The following CPE variants were observed in gnomAD, a reference collection of about 807,000 sequenced individuals.
CPE encodes the protein carbocypeptidase E.
In CPE, 17 loss-of-function variants were observed where a neutral mutation model predicts 53.5. That is an observed-to-expected ratio of 0.32 (90% CI 0.22 to 0.48). CPE has a LOEUF of 0.48. Ranked by LOEUF, CPE falls within the 20% of genes least tolerant of loss-of-function variation. The pLI is 0.99. For missense variants in CPE, 524 were observed against 614.7 expected (o/e 0.85, Z 1.56); for synonymous variants, 226 against 228.8 (o/e 0.99, Z 0.11).
At chr4:165,404,278 G>T in intron 1 of CPE, 4 of 769,382 alleles carry the variant, frequency 5.2e-6, no homozygotes, top group Non-Finnish European at 9.7e-6. Context: ...GTGTGGCCAA[G>T]ATCCCCTCTT....
At chr4:165,419,196 T>C (rs1215129317) in intron 1 of CPE, among the ~76,000 whole-genome samples, 2 of 152,182 alleles carry the variant, frequency 1.3e-5, no homozygotes, top group Admixed American at 1.3e-4. Context: ...GAAGAAATAC[T>C]AACTGAATAT....
intron 6 of CPE, among the ~76,000 whole-genome samples, chr4:165,490,458 C>A (rs28529471): frequency 7.3e-5 from 11 of 151,644 alleles, no homozygotes; most frequent in South Asian, 4.2e-4. Context: ...ACGGTGAAAC[C>A]CTGTCTCTAC....
chr4:165,392,600 AT>A (rs1730702150), intron 1 of CPE, among the ~76,000 whole-genome samples: 1 of 146,482 alleles, frequency 6.8e-6, no homozygotes, highest in Non-Finnish European at 1.5e-5. Flanking sequence ...ACATTATTCC[AT>A]TACTATAGTA....
intron 3 of CPE, among the ~76,000 whole-genome samples, chr4:165,480,944 T>A (rs1212922374): frequency 6.7e-6 from 1 of 150,176 alleles, no homozygotes; most frequent in Non-Finnish European, 1.5e-5. Flanking sequence ...AAATTATGGG[T>A]AATTTTAATT....
intron 1 of CPE, among the ~76,000 whole-genome samples, chr4:165,445,189 C>T (rs1186753977): frequency 1.3e-5 from 2 of 152,178 alleles, no homozygotes; most frequent in Admixed American, 1.3e-4. Context: ...CTCATGACCT[C>T]ATGTGATCTG....
chr4:165,457,683 A>G (rs1318169614), intron 1 of CPE, among the ~76,000 whole-genome samples: 8 of 152,166 alleles, frequency 5.3e-5, no homozygotes. Flanking sequence ...ATGAAGTGAG[A>G]TTTCACTTTT....
In CPE at chr4:165,379,540, G is replaced by A. The variant is rs1730468719; in HGVS notation, c.307+12G>A. 1 of 1,440,380 alleles carries A rather than the reference G, an allele frequency of 6.9e-7. No individual in the cohort carries two copies. Among genetic ancestry groups the A allele is most frequent in the Non-Finnish European group, 9.3e-7 (1 of 1,074,374 alleles). The allele number at this position is 1,440,380 out of a possible 1,614,324, so 89.2% of individuals were successfully genotyped here. On this transcript the variant is annotated intron_variant, in intron 1 of 8. Coordinates refer to ENST00000402744, the MANE Select transcript of CPE (RefSeq NM_001873.4). The surrounding 1 kb of genome is among the most constrained non-coding windows in gnomAD (Gnocchi z 6.0). Reference sequence around the variant, plus strand: ...CGTCCATGAGCCTGGTAAGGGCGCTGCCCCCTGACAGCCCTGGGGGCATCC... The same window carrying A: ...CGTCCATGAGCCTGGTAAGGGCGCTACCCCCTGACAGCCCTGGGGGCATCC...
intron 1 of CPE, chr4:165,405,036 A>G: frequency 1.4e-6 from 1 of 724,662 alleles, no homozygotes; most frequent in Non-Finnish European, 2.5e-6. Context: ...ATCCATCACC[A>G]TGTCTGTCTT....
At chr4:165,472,616 C>T (rs1328230660) in intron 3 of CPE, among the ~76,000 whole-genome samples, 1 of 152,108 alleles carries the variant, frequency 6.6e-6, no homozygotes, top group East Asian at 1.9e-4. Flanking sequence ...AAAAACTGAA[C>T]AATAGTTCTT....
chr4:165,460,784 C>T (rs1000071038), intron 1 of CPE, among the ~76,000 whole-genome samples: 3 of 152,248 alleles, frequency 2.0e-5, no homozygotes, highest in South Asian at 2.1e-4. Context: ...TTATTCTTAT[C>T]GTATTCTTAC....
chr4:165,406,991 A>G (rs1248877988), intron 1 of CPE, among the ~76,000 whole-genome samples: 1 of 152,200 alleles, frequency 6.6e-6, no homozygotes, highest in Non-Finnish European at 1.5e-5. Context: ...TCATCAGTTG[A>G]TAGACATCTG....
In CPE at chr4:165,464,512, A is replaced by C; in HGVS notation, c.430A>C (p.Asn144His). 1 of 1,613,994 alleles carries C rather than the reference A, an allele frequency of 6.2e-7. No homozygotes were observed. Among genetic ancestry groups the C allele is most frequent in the African/African-American group, 1.3e-5 (1 of 75,026 alleles). ...CCAGAAGGGGAACGAGACAATTGTC[A>C]ACCTGATCCACAGTACCCGCATTCA... ...EYQKGNETIV[N>H]LIHSTRIHIM... The change falls in exon 2 of 9, where the codon AAC becomes CAC. Residue 144 changes from asparagine (N) to histidine (H), a missense_variant. Physicochemically the swap from Asn to His is moderately conservative, Grantham distance 68 (BLOSUM62 1). Coordinates refer to ENST00000402744, the MANE Select transcript of CPE (RefSeq NM_001873.4).
chr4:165,443,887 G>A (rs1322367278), intron 1 of CPE, among the ~76,000 whole-genome samples: 1 of 152,156 alleles, frequency 6.6e-6, no homozygotes, highest in Non-Finnish European at 1.5e-5. Context: ...AATGGGATTA[G>A]TGCCCTTACA....
chr4:165,388,332 T>A (rs902750696), intron 1 of CPE, among the ~76,000 whole-genome samples: 2 of 152,196 alleles, frequency 1.3e-5, no homozygotes, highest in African/African-American at 4.8e-5. Flanking sequence ...AAACAACCTT[T>A]CTTCATAGCT....
intron 1 of CPE, among the ~76,000 whole-genome samples, chr4:165,443,572 A>T (rs1246416632): frequency 6.6e-6 from 1 of 152,106 alleles, no homozygotes; most frequent in Non-Finnish European, 1.5e-5. Flanking sequence ...GTATCCTCAC[A>T]TGGCCCTTTC....
At chr4:165,416,892 A>G (rs1731134200) in intron 1 of CPE, among the ~76,000 whole-genome samples, 1 of 151,736 alleles carries the variant, frequency 6.6e-6, no homozygotes, top group Non-Finnish European at 1.5e-5. Flanking sequence ...CTCAGAAAAT[A>G]TTTTCGAATG....
chr4:165,445,288 G>GTT (rs11296419), intron 1 of CPE, among the ~76,000 whole-genome samples: 23 of 147,356 alleles, frequency 1.6e-4, no homozygotes, highest in African/African-American at 2.5e-4. Context: ...CCCTTTTTTT[G>GTT]TTTTTTTTTT....
chr4:165,436,768 A>T (rs1414519506), intron 1 of CPE, among the ~76,000 whole-genome samples: 6 of 152,172 alleles, frequency 3.9e-5, no homozygotes. Context: ...CCTCCTGTGT[A>T]GCTGAGACTG....
At chr4:165,405,234 C>G in intron 1 of CPE, 3 of 821,136 alleles carry the variant, frequency 3.7e-6, no homozygotes, top group Non-Finnish European at 4.4e-6. Flanking sequence ...GAGACTTGGG[C>G]AATGCCTGCT....
Sources: allele counts gnomAD v4.1 joint callset (sites outside exome capture counted in the v4.1 genomes callset), GRCh38; gene constraint gnomAD v4.1.1; non-coding constraint Gnocchi (gnomAD v3.1); transcripts MANE v1.5; gene names NCBI Gene and HGNC (gene_info 2026-07-23, HGNC 2026-07-21).